YJU2: variants seen among roughly 807,000 people sequenced by gnomAD.
YJU2 encodes the protein splicing factor YJU2.
A neutral mutation model predicts 39.6 loss-of-function variants in YJU2; 28 were observed. That is an observed-to-expected ratio of 0.71 (90% CI 0.52 to 0.97). YJU2 has a LOEUF of 0.97. Among genes scored for constraint, YJU2 ranks in the 50% least tolerant of loss-of-function variants. The pLI is 0.00. For missense variants in YJU2, 328 were observed against 430.4 expected (o/e 0.76, Z 2.11); for synonymous variants, 184 against 182.4 (o/e 1.01, Z -0.07).
In YJU2 at chr19:4,262,066, G is replaced by A. The variant is rs112738383; in HGVS notation, c.660G>A (p.Ser220=). ...DSDSEDEAAP[S]PLQPALRPNP... is the part of the protein sequence containing the mutation. Reference sequence around the variant, plus strand: ...ACTCAGAGGATGAGGCTGCTCCCTCGCCCCTGCAGCCAGCCCTTCGGCCCA... The same window carrying A: ...ACTCAGAGGATGAGGCTGCTCCCTCACCCCTGCAGCCAGCCCTTCGGCCCA... The change falls in exon 6 of 8, where the codon TCG becomes TCA. Residue 220 remains serine (S), a synonymous_variant. Transcript: ENST00000262962. 867 of 1,612,298 alleles carry A rather than the reference G, an allele frequency of 5.4e-4. 4 individuals carry two copies. In the African/African-American group the frequency reaches 0.01, roughly 19 times the overall value.
intron 4 of YJU2, among the ~76,000 whole-genome samples, chr19:4,256,605 G>C (rs1305535337): frequency 1.3e-5 from 2 of 152,204 alleles, no homozygotes; most frequent in Admixed American, 6.5e-5. Flanking sequence ...TTATCCCACA[G>C]TTTTTGAGAG....
chr19:4,250,185 T>G (rs775877098), intron 2 of YJU2, among the ~76,000 whole-genome samples: 1 of 152,200 alleles, frequency 6.6e-6, no homozygotes, highest in African/African-American at 2.4e-5. Flanking sequence ...TGCTCTAGCA[T>G]ATCTGAAATC....
At position 4,267,748 on chromosome 19, in the gene YJU2, G is replaced by C. The variant is rs1401998977; in HGVS notation, c.833G>C (p.Gly278Ala). 1 of 1,612,548 alleles carries C rather than the reference G, an allele frequency of 6.2e-7. No homozygotes were observed. Among genetic ancestry groups the C allele is most frequent in the African/African-American group, 1.3e-5 (1 of 75,000 alleles). Residue 278 changes from glycine to alanine, a missense_variant, in exon 7 of 8, where the codon GGG becomes GCG. Gly to Ala is a moderately conservative substitution (Grantham distance 60). Around this residue, in one of 2 missense-constraint regions of YJU2, gnomAD observed 244 missense variants for 264.6 expected, o/e 0.92. Coordinates refer to ENST00000262962, the MANE Select transcript of YJU2 (RefSeq NM_018074.6). ...AAGGCCGACCCGGACTGCAGCAACG[G>C]GCAGCCTCAGGCGGCCCCCACCCCA... ...KAKADPDCSN[G>A]QPQAAPTPGA...
At chr19:4,258,549 C>T in intron 5 of YJU2, 126 bp downstream of exon 5, 1 of 1,381,762 alleles carries the variant, frequency 7.2e-7, no homozygotes, top group Non-Finnish European at 9.6e-7. Context: ...TTCCCACCGC[C>T]CATCTCACTT....
At chr19:4,258,927 T>C (rs570418584) in intron 5 of YJU2, among the ~76,000 whole-genome samples, 2 of 152,166 alleles carry the variant, frequency 1.3e-5, no homozygotes, top group African/African-American at 4.8e-5. Flanking sequence ...CCATGGTGTT[T>C]GCAGGAACAG....
chr19:4,249,031 C>T lies in YJU2; in HGVS notation c.25-197C>T, dbSNP rs145128184. On this transcript the variant is annotated intron_variant, in intron 1 of 7. Coordinates refer to ENST00000262962, the MANE Select transcript of YJU2 (RefSeq NM_018074.6). Reference sequence around the variant, plus strand: ...AGAATTAAATGCGTCCTGTATAACTCCACTAGGAGAGAGTCAGGAAGCTTG... The same window carrying T: ...AGAATTAAATGCGTCCTGTATAACTTCACTAGGAGAGAGTCAGGAAGCTTG... 5.9e-5 allele frequency among the ~76,000 whole-genome samples: 9 copies of T among 152,248 alleles called. No individual in the cohort carries two copies. In the East Asian group the frequency reaches 1.7e-3, roughly 29 times the overall value.
chr19:4,255,298 AAG>A (rs1331803314), intron 4 of YJU2, among the ~76,000 whole-genome samples: 1 of 152,144 alleles, frequency 6.6e-6, no homozygotes, highest in African/African-American at 2.4e-5. Flanking sequence ...GAAATATTAA[AAG>A]GAGCCATGCA....
chr19:4,259,054 C>G (rs1971048193), intron 5 of YJU2, among the ~76,000 whole-genome samples: 1 of 150,372 alleles, frequency 6.7e-6, no homozygotes, highest in African/African-American at 2.5e-5. Flanking sequence ...CCTCAGGCCT[C>G]CTGGGTGAAC....
intron 5 of YJU2, among the ~76,000 whole-genome samples, chr19:4,261,789 A>T (rs917086374): frequency 6.6e-6 from 1 of 151,948 alleles, no homozygotes; most frequent in Non-Finnish European, 1.5e-5. Flanking sequence ...TGATTGTGCC[A>T]CTTCACCCTC....
chr19:4,263,457 G>T (rs541361563), intron 6 of YJU2, among the ~76,000 whole-genome samples: 1 of 152,182 alleles, frequency 6.6e-6, no homozygotes, highest in African/African-American at 2.4e-5. Flanking sequence ...ATCTGGTGGC[G>T]AAGGAAACTG....
At chr19:4,247,576 GTGGC>G (rs1298059359) in intron 1 of YJU2, among the ~76,000 whole-genome samples, 1 of 79,102 alleles carries the variant, frequency 1.3e-5, no homozygotes, top group African/African-American at 1.3e-4. Context: ...GTGGGGTGGG[GTGGC>G]GCGTGTGTGT....
intron 4 of YJU2, among the ~76,000 whole-genome samples, chr19:4,257,373 A>G (rs145943881): frequency 9.5e-4 from 145 of 152,116 alleles, no homozygotes; most frequent in African/African-American, 3.3e-3. Flanking sequence ...AGCTCAGTCA[A>G]CCTCTGCCTC....
chr19:4,268,098 C>T (rs1259412152), intron 7 of YJU2, among the ~76,000 whole-genome samples: 2 of 151,976 alleles, frequency 1.3e-5, no homozygotes, highest in African/African-American at 4.8e-5. Flanking sequence ...ACTACAGCAC[C>T]ACGCCCGGCT....
intron 3 of YJU2, 92 bp downstream of exon 3, chr19:4,251,263 A>G (rs1025522320): frequency 1.4e-5 from 17 of 1,183,046 alleles, no homozygotes; most frequent in Non-Finnish European, 2.1e-5. Context: ...AATCCTCTCC[A>G]TCCAGGGAAT....
intron 5 of YJU2, among the ~76,000 whole-genome samples, chr19:4,258,975 A>T (rs1254226674): frequency 6.7e-6 from 1 of 149,222 alleles, no homozygotes; most frequent in Non-Finnish European, 1.5e-5. Context: ...TGAGGGTGGG[A>T]GGCCCCCAGC....
chr19:4,260,490 A>C (rs1005335489), intron 5 of YJU2, among the ~76,000 whole-genome samples: 5 of 149,930 alleles, frequency 3.3e-5, no homozygotes, highest in Non-Finnish European at 7.4e-5. Context: ...TAATCCCAGC[A>C]CTTTGGGAGG....
At position 4,247,151 on chromosome 19, in the gene YJU2, C is replaced by T. The variant is rs886064045; in HGVS notation, c.5C>T (p.Ser2Leu). M[S>L]ERKVLNKYYP... is the part of the protein sequence containing the mutation. ...CGAGGTGATCAGAAGGCAAAGATGT[C>T]GGAGCGAAAAGTATTAAACGTAAGT... The change falls in exon 1 of 8, where the codon TCG becomes TTG. Residue 2 changes from serine (S) to leucine (L), a missense_variant. Physicochemically the swap from Ser to Leu is moderately radical, Grantham distance 145 (BLOSUM62 -2). This residue lies in a region of YJU2 where 84 missense variants were observed against 165.8 expected (regional missense o/e 0.51). Transcript: ENST00000262962. 1.2e-6 allele frequency: 2 copies of T among 1,613,868 alleles called. No homozygotes were observed. The highest frequency in any genetic ancestry group is 1.7e-6 in the Non-Finnish European group (2 of 1,179,746).
chr19:4,251,683 TAAA>T (rs34528734), intron 3 of YJU2, among the ~76,000 whole-genome samples: 19 of 102,834 alleles, frequency 1.8e-4, no homozygotes, highest in Admixed American at 2.2e-4. Context: ...AGACTCCAAC[TAAA>T]AAAAAAAAAA....
chr19:4,247,639 GTGTGTGTGTGTGTGTGTGT>G lies in YJU2; in HGVS notation c.24+470_24+488del, dbSNP rs1970939082. 6.1e-4 allele frequency among the ~76,000 whole-genome samples: 41 copies of G among 66,694 alleles called. 2 individuals are homozygous for G. The highest frequency in any genetic ancestry group is 3.2e-3 in the South Asian group (4 of 1,234). The allele number at this position is 66,694 out of a possible 152,430, so 43.8% of individuals were successfully genotyped here. A position where few individuals can be genotyped will look rare whatever the true frequency, so the allele number is the denominator to read the frequency against. ...TGTGTGTGTGTGTGTGTGTGTGTGT[GTGTGTGTGTGTGTGTGTGT>G]GTGTGTGTGTGTGTGTGTGTGTGTG... On this transcript the variant is annotated intron_variant, in intron 1 of 7. Transcript: ENST00000262962.
Sources: gnomAD v4.1 joint callset for allele counts (sites outside exome capture counted in the v4.1 genomes callset) on GRCh38, gnomAD v4.1.1 for gene constraint, gnomAD v4.1.1 regional missense constraint, MANE v1.5 for transcripts, NCBI Gene and HGNC (gene_info 2026-07-23, HGNC 2026-07-21) for gene names.